MACC1: variants seen among roughly 807,000 people sequenced by gnomAD.
MACC1 encodes the protein MET transcriptional regulator MACC1, also known as metastasis-associated in colon cancer protein 1.
Under a neutral mutation model 70.7 loss-of-function variants are expected in MACC1, and 79 were observed. The observed-to-expected ratio is 1.12, with a 90% CI of 0.93 to 1.35. The LOEUF is 1.35. MACC1 is among the 40% of genes most tolerant of loss of function. The pLI, the probability that MACC1 is intolerant of heterozygous loss-of-function variation, is 0.00. For synonymous variants in MACC1, 361 were observed against 347.2 expected (o/e 1.04, Z -0.44); for missense variants, 1,106 against 978.1 (o/e 1.13, Z -1.74).
intron 1 of MACC1, among the ~76,000 whole-genome samples, chr7:20,183,827 C>A (rs1782546968): frequency 6.6e-6 from 1 of 152,010 alleles, no homozygotes; most frequent in East Asian, 1.9e-4. Context: ...CCTGCCTCAG[C>A]TTCCCAAGTA....
intron 1 of MACC1, among the ~76,000 whole-genome samples, chr7:20,180,215 C>A (rs979000968): frequency 2.0e-5 from 3 of 150,052 alleles, no homozygotes; most frequent in African/African-American, 7.4e-5. Context: ...GAGGCCGAGG[C>A]GGGCAGATCA....
At chr7:20,177,321 C>T (rs1474433084) in intron 1 of MACC1, among the ~76,000 whole-genome samples, 1 of 152,084 alleles carries the variant, frequency 6.6e-6, no homozygotes, top group African/African-American at 2.4e-5. Flanking sequence ...CTATGCTGTT[C>T]AAATACACTC....
In MACC1 at chr7:20,139,796, A is replaced by G. The variant is rs1781769780; in HGVS notation, c.*1150T>C. On this transcript the variant is annotated 3_prime_UTR_variant, in exon 7 of 7. Coordinates refer to ENST00000400331, the MANE Select transcript of MACC1 (RefSeq NM_182762.4). ...ATACAATTTTTGTCCTATATAATCA[A>G]TTAGGCTGTGCTTTATAAAACACTG... The G allele has an allele frequency of 1.3e-5, 2 of 150,850 alleles. No individual in the cohort carries two copies. Among genetic ancestry groups the G allele is most frequent in the South Asian group, 4.2e-4 (2 of 4,742 alleles). The allele number at this position is 150,850 out of a possible 1,614,324, so 9.3% of individuals were successfully genotyped here.
chr7:20,209,863 G>A (rs1054738076), intron 1 of MACC1, among the ~76,000 whole-genome samples: 3 of 152,174 alleles, frequency 2.0e-5, no homozygotes, highest in South Asian at 2.1e-4. Context: ...CATGGGGGCA[G>A]TTCCCCCATG....
At position 20,159,365 on chromosome 7, in the gene MACC1, G is replaced by A. The variant is rs748946988; in HGVS notation, c.996C>T (p.Thr332=). ...VLSNCYIYKD[T]IQVKLIDLSQ... ...TCAAGTCGATTAGCTTGACTTGGAT[G>A]GTGTCTTTATAAATGTAGCAGTTGC... Residue 332 remains threonine, a synonymous_variant, in exon 5 of 7, where the codon ACC becomes ACT. Coordinates refer to ENST00000400331, the MANE Select transcript of MACC1 (RefSeq NM_182762.4). The A allele has an allele frequency of 6.2e-7, 1 of 1,613,976 alleles. No homozygotes were observed. The highest frequency in any genetic ancestry group is 8.5e-7 in the Non-Finnish European group (1 of 1,180,006).
At position 20,134,743 on chromosome 7, in the gene MACC1, C is replaced by T. The variant is rs1030947306; in HGVS notation, c.*6203G>A. ...TATTGAGTTTAAGTGAGCATATAAA[C>T]ATTAGGGACATTTAAAATCTACTTC... On this transcript the variant is annotated 3_prime_UTR_variant, in exon 7 of 7. Transcript: ENST00000400331. The T allele has an allele frequency of 6.6e-6, 1 of 152,120 alleles. No individual in the cohort carries two copies. Among genetic ancestry groups the T allele is most frequent in the Non-Finnish European group, 1.5e-5 (1 of 68,020 alleles). 9.4% of individuals were successfully genotyped at this position (152,120 alleles called of 1,614,324 possible). A position where few individuals can be genotyped will look rare whatever the true frequency, so the allele number is the denominator to read the frequency against.
intron 1 of MACC1, among the ~76,000 whole-genome samples, chr7:20,173,359 A>T (rs1244328443): frequency 6.6e-6 from 1 of 152,220 alleles, no homozygotes; most frequent in Non-Finnish European, 1.5e-5. Context: ...GGAAAAATTT[A>T]CAGCTCTCTT....
intron 6 of MACC1, among the ~76,000 whole-genome samples, chr7:20,149,975 C>A (rs1396597004): frequency 1.3e-5 from 2 of 152,086 alleles, no homozygotes; most frequent in Admixed American, 6.5e-5. Flanking sequence ...AATACATTCA[C>A]CTTCAGTTTG....
chr7:20,168,705 T>A (rs1262183080), intron 2 of MACC1, among the ~76,000 whole-genome samples: 1 of 152,210 alleles, frequency 6.6e-6, no homozygotes, highest in Non-Finnish European at 1.5e-5. Flanking sequence ...TAGACAGCTA[T>A]CTGCCTCCCT....
chr7:20,188,120 A>G (rs950913324), intron 1 of MACC1, among the ~76,000 whole-genome samples: 26 of 152,150 alleles, frequency 1.7e-4, no homozygotes, highest in African/African-American at 5.3e-4. Context: ...CTCACTCACT[A>G]TCTCAAGAAG....
intron 1 of MACC1, among the ~76,000 whole-genome samples, chr7:20,183,667 C>A (rs183370794): frequency 4.0e-4 from 60 of 151,792 alleles, no homozygotes; most frequent in African/African-American, 1.4e-3. Context: ...TATCCTAATT[C>A]CAACAGTTAT....
At chr7:20,216,295 C>CTT (rs1491118942) in intron 1 of MACC1, among the ~76,000 whole-genome samples, 1 of 151,988 alleles carries the variant, frequency 6.6e-6, no homozygotes. Flanking sequence ...TCACTACATG[C>CTT]TTTTTGATCT....
At chr7:20,194,051 G>T (rs992006374) in intron 1 of MACC1, among the ~76,000 whole-genome samples, 12 of 152,112 alleles carry the variant, frequency 7.9e-5, no homozygotes, top group Non-Finnish European at 1.8e-4. Flanking sequence ...CTCCTCACTT[G>T]CTGGGAGCCT....
At chr7:20,163,737 G>C (rs1284851815) in intron 3 of MACC1, among the ~76,000 whole-genome samples, 1 of 152,098 alleles carries the variant, frequency 6.6e-6, no homozygotes, top group East Asian at 1.9e-4. Flanking sequence ...CAGAGTCTCA[G>C]CAATAGAACG....
intron 1 of MACC1, among the ~76,000 whole-genome samples, chr7:20,194,637 C>G (rs1782722799): frequency 6.6e-6 from 1 of 152,206 alleles, no homozygotes; most frequent in African/African-American, 2.4e-5. Flanking sequence ...ATTTTACATT[C>G]ATGCAAAACA....
chr7:20,156,763 T>TTA (rs1334012173), intron 5 of MACC1, among the ~76,000 whole-genome samples: 2 of 152,138 alleles, frequency 1.3e-5, no homozygotes, highest in Non-Finnish European at 2.9e-5. Context: ...AGAGATAATG[T>TTA]TATATATATT....
chr7:20,188,698 C>A (rs988611934), intron 1 of MACC1, among the ~76,000 whole-genome samples: 2 of 152,184 alleles, frequency 1.3e-5, no homozygotes, highest in African/African-American at 2.4e-5. Flanking sequence ...CTCCACTTTA[C>A]CAAAAGTGCT....
chr7:20,158,536 C>G lies in MACC1; in HGVS notation c.1825G>C (p.Val609Leu). The change falls in exon 5 of 7, where the codon GTA becomes CTA. Residue 609 changes from valine (V) to leucine (L), a missense_variant. Val to Leu is a conservative substitution (Grantham distance 32). Coordinates refer to ENST00000400331, the MANE Select transcript of MACC1 (RefSeq NM_182762.4). ...VGVLRGKIGLVHCKNVKVISK... is the reference protein window; with the variant it reads ...VGVLRGKIGLLHCKNVKVISK... Reference sequence around the variant, plus strand: ...ATCACCTTGACATTTTTGCAGTGTACAAGTCCAATCTTACCTCTGAGGACT... The same window carrying G: ...ATCACCTTGACATTTTTGCAGTGTAGAAGTCCAATCTTACCTCTGAGGACT... The G allele has an allele frequency of 6.2e-7, 1 of 1,614,086 alleles. No homozygotes were observed. The highest frequency in any genetic ancestry group is 8.5e-7 in the Non-Finnish European group (1 of 1,179,988).
chr7:20,161,503 T>A (rs1386722701), intron 4 of MACC1, among the ~76,000 whole-genome samples: 1 of 152,038 alleles, frequency 6.6e-6, no homozygotes, highest in African/African-American at 2.4e-5. Context: ...TACCCCCAAA[T>A]TCATTATAGT....
Sources: allele counts gnomAD v4.1 joint callset (sites outside exome capture counted in the v4.1 genomes callset), GRCh38; gene constraint gnomAD v4.1.1; transcripts MANE v1.5; gene names NCBI Gene and HGNC (gene_info 2026-07-23, HGNC 2026-07-21).